B4GALT1: variants seen among roughly 807,000 people sequenced by gnomAD.
B4GALT1 encodes the protein N-acetyllactosamine synthase.
A neutral mutation model predicts 34.9 loss-of-function variants in B4GALT1; 16 were observed. The observed-to-expected ratio is 0.46, with a 90% CI of 0.31 to 0.70. The LOEUF (loss-of-function observed/expected upper bound fraction) is 0.70. Among genes scored for constraint, B4GALT1 ranks in the 30% least tolerant of loss-of-function variants. B4GALT1 has a pLI of 0.05. For missense variants in B4GALT1, 445 were observed against 530.5 expected, an observed-to-expected ratio of 0.84 and a Z score of 1.58; for synonymous variants, 221 against 218.1, an observed-to-expected ratio of 1.01 and a Z score of -0.12.
intron 4 of B4GALT1, among the ~76,000 whole-genome samples, chr9:33,115,134 A>T (rs1170019010): frequency 6.6e-6 from 1 of 152,208 alleles, no homozygotes; most frequent in Non-Finnish European, 1.5e-5. Context: ...TACATACTAA[A>T]ACTGGAGTTT....
At position 33,147,276 on chromosome 9, in the gene B4GALT1, G is replaced by A. The variant is rs1238218052; in HGVS notation, c.413-11852C>T. On this transcript the variant is annotated intron_variant, in intron 1 of 5. Coordinates refer to ENST00000379731, the MANE Select transcript of B4GALT1 (RefSeq NM_001497.4). ...TTTTTTTTTTTTTTCCCCCTGAGAT[G>A]GAGTTTCTCCATCACCCAGTCTGGA... Among the ~76,000 whole-genome samples, 3 of 144,862 alleles carry A rather than the reference G, an allele frequency of 2.1e-5. No individual in the cohort carries two copies. In the East Asian group the frequency reaches 6.1e-4, roughly 29 times the overall value.
chr9:33,113,904 T>G (rs377116518), intron 4 of B4GALT1, 26 bp from the exon 5 acceptor site: 1 of 1,607,264 alleles, frequency 6.2e-7, no homozygotes. Context: ...GGAAAGTCAT[T>G]ATCACAGAGC....
At chr9:33,122,621 G>T (rs1006804627) in intron 2 of B4GALT1, among the ~76,000 whole-genome samples, 2 of 152,180 alleles carry the variant, frequency 1.3e-5, no homozygotes, top group African/African-American at 2.4e-5. Flanking sequence ...GACTCAGGTG[G>T]GGAACTTGGG....
upstream of B4GALT1, among the ~76,000 whole-genome samples, chr9:33,171,726 A>T (rs116669194): frequency 9.8e-3 from 1,485 of 152,126 alleles, 23 homozygotes; most frequent in African/African-American, 0.034. Flanking sequence ...AGCTAATTTT[A>T]AAATTTTTAG....
chr9:33,168,151 A>C (rs934645785), upstream of B4GALT1, among the ~76,000 whole-genome samples: 1 of 152,100 alleles, frequency 6.6e-6, no homozygotes. Context: ...AGTTCTCCCC[A>C]TGTCGTAGAG....
At chr9:33,140,350 T>C (rs924730896) in intron 1 of B4GALT1, among the ~76,000 whole-genome samples, 27 of 152,348 alleles carry the variant, frequency 1.8e-4, no homozygotes, top group Admixed American at 3.9e-4. Context: ...TGTAGGTGTT[T>C]TTTAATTAAA....
At position 33,128,281 on chromosome 9, in the gene B4GALT1, C is replaced by A. The variant is rs190966225; in HGVS notation, c.648+6908G>T. 2.0e-5 allele frequency among the ~76,000 whole-genome samples: 3 copies of A among 152,152 alleles called. No homozygotes were observed. The East Asian group carries it at 5.8e-4, about 29-fold the overall frequency. On this transcript the variant is annotated intron_variant, in intron 2 of 5. Transcript: ENST00000379731. ...GAAGAAAAAGAGAAAAGGGTGGATG[C>A]AAGGGAGAGAGGTGAGGAAAAGAGA...
At chr9:33,160,222 AC>A (rs1171846473) in intron 1 of B4GALT1, among the ~76,000 whole-genome samples, 1 of 152,018 alleles carries the variant, frequency 6.6e-6, no homozygotes, top group Non-Finnish European at 1.5e-5. Flanking sequence ...TCCAAAAAGT[AC>A]ATAAAGCTTT....
chr9:33,140,079 C>A (rs560953248), intron 1 of B4GALT1, among the ~76,000 whole-genome samples: 13 of 152,366 alleles, frequency 8.5e-5, no homozygotes, highest in African/African-American at 2.9e-4. Context: ...TGCTCCCCTG[C>A]CTGGCACAGC....
intron 1 of B4GALT1, among the ~76,000 whole-genome samples, chr9:33,150,043 A>C (rs1336703344): frequency 1.3e-5 from 2 of 152,100 alleles, no homozygotes; most frequent in East Asian, 3.8e-4. Context: ...CTGATTGTTA[A>C]TTATACTATG....
At chr9:33,183,673 C>T in the B4GALT1 span, among the ~76,000 whole-genome samples, 1 of 145,126 alleles carries the variant, frequency 6.9e-6, no homozygotes, top group Non-Finnish European at 1.5e-5. Context: ...GGGAGATATA[C>T]CCAATGCTAG....
chr9:33,123,868 G>A (rs774796932), intron 2 of B4GALT1, among the ~76,000 whole-genome samples: 5 of 152,186 alleles, frequency 3.3e-5, no homozygotes, highest in Admixed American at 1.3e-4. Flanking sequence ...GGGGTGCCAC[G>A]GCCCTTTCAA....
At position 33,114,547 on chromosome 9, in the gene B4GALT1, G is replaced by GTA. The variant is rs147712853; in HGVS notation, c.960-670_960-669insTA. On this transcript the variant is annotated intron_variant, in intron 4 of 5. Coordinates refer to ENST00000379731, the MANE Select transcript of B4GALT1 (RefSeq NM_001497.4). ...CCAAAATGCTTTTAGCCATGGGGAAGTCTCTGGAAAGTAGTATACGAATGG... is the reference window on the plus strand; with the variant it reads ...CCAAAATGCTTTTAGCCATGGGGAAGTATCTCTGGAAAGTAGTATACGAATGG... Among the ~76,000 whole-genome samples the GTA allele has an allele frequency of 5.9e-5, 9 of 152,196 alleles. No individual in the cohort carries two copies. In the South Asian group the frequency reaches 8.3e-4, roughly 14 times the overall value.
chr9:33,180,525 C>T, the B4GALT1 span, among the ~76,000 whole-genome samples: 3 of 152,326 alleles, frequency 2.0e-5, no homozygotes, highest in Admixed American at 2.0e-4. Flanking sequence ...CATGTACCAA[C>T]CAGAGTTTTT....
At position 33,120,536 on chromosome 9, in the gene B4GALT1, T is replaced by C; in HGVS notation, c.719A>G (p.Asp240Gly). ...VGFQEALKDY[D>G]YTCFVFSDVD... ...GTCACTAAACACAAAGCAGGTGTAG[T>C]CATAGTCCTTCAAGGCTTCTTGAAA... The change falls in exon 3 of 6, where the codon GAC becomes GGC. Residue 240 changes from aspartate (D) to glycine (G), a missense_variant. Physicochemically the swap from Asp to Gly is moderately conservative, Grantham distance 94 (BLOSUM62 -1). Transcript: ENST00000379731. The C allele has an allele frequency of 6.2e-7, 1 of 1,614,188 alleles. No individual in the cohort carries two copies. Among genetic ancestry groups the C allele is most frequent in the Non-Finnish European group, 8.5e-7 (1 of 1,180,034 alleles).
chr9:33,179,845 A>G, the B4GALT1 span: 2 of 152,300 alleles, frequency 1.3e-5, no homozygotes, highest in African/African-American at 2.4e-5. Flanking sequence ...CAATATTTTC[A>G]ACTTACGATG....
downstream of B4GALT1, among the ~76,000 whole-genome samples, chr9:33,108,216 T>C (rs117836659): frequency 1.3e-3 from 199 of 152,238 alleles, no homozygotes; most frequent in Admixed American, 2.0e-3. Context: ...TAACTCCCAT[T>C]ACACAGAACC....
intron 2 of B4GALT1, among the ~76,000 whole-genome samples, chr9:33,130,724 G>A (rs111759842): frequency 1.3e-4 from 19 of 151,814 alleles, no homozygotes; most frequent in African/African-American, 4.6e-4. Context: ...TTATAGGCCC[G>A]GGATGGCCTC....
chr9:33,153,396 GA>G (rs1564051930), intron 1 of B4GALT1, among the ~76,000 whole-genome samples: 2 of 152,028 alleles, frequency 1.3e-5, no homozygotes, highest in African/African-American at 4.8e-5. Context: ...TAATGAAGCA[GA>G]AAAATAAGAA....
Sources: gnomAD v4.1 joint callset for allele counts (sites outside exome capture counted in the v4.1 genomes callset) on GRCh38, gnomAD v4.1.1 for gene constraint, MANE v1.5 for transcripts, NCBI Gene and HGNC (gene_info 2026-07-23, HGNC 2026-07-21) for gene names.